ARB2A: variants seen among roughly 807,000 people sequenced by gnomAD.
The protein encoded by ARB2A is cotranscriptional regulator ARB2A.
the ARB2A span, among the ~76,000 whole-genome samples, chr5:93,974,392 G>A: frequency 2.6e-5 from 4 of 152,010 alleles, no homozygotes; most frequent in Admixed American, 6.6e-5. Context: ...TAATGATAAA[G>A]GGTTTTATTC....
At chr5:93,824,135 A>G in the ARB2A span, 17 of 1,561,652 alleles carry the variant, frequency 1.1e-5, no homozygotes, top group Non-Finnish European at 1.5e-5. Context: ...CAGAGAGTAA[A>G]ATAAGCACTT....
chr5:93,751,528 A>G, the ARB2A span, among the ~76,000 whole-genome samples: 8 of 152,216 alleles, frequency 5.3e-5, no homozygotes, highest in South Asian at 2.1e-4. Context: ...GAAAAAGACT[A>G]TATTTTAAGA....
At chr5:94,078,106 A>C in the ARB2A span, among the ~76,000 whole-genome samples, 4 of 152,178 alleles carry the variant, frequency 2.6e-5, no homozygotes, top group Non-Finnish European at 5.9e-5. Flanking sequence ...TTTTTTCTAC[A>C]TTTGTTTGTT....
the ARB2A span, among the ~76,000 whole-genome samples, chr5:93,999,170 T>C: frequency 2.0e-5 from 3 of 151,944 alleles, no homozygotes; most frequent in Non-Finnish European, 2.9e-5. Context: ...TTTTTTTTTT[T>C]CTAAAATAAC....
At chr5:93,699,497 C>A in the ARB2A span, among the ~76,000 whole-genome samples, 2 of 152,102 alleles carry the variant, frequency 1.3e-5, no homozygotes, top group Non-Finnish European at 2.9e-5. Flanking sequence ...GCACTAGGAG[C>A]AGCTCTTTGG....
chr5:93,787,673 C>T, the ARB2A span, among the ~76,000 whole-genome samples: 2 of 152,106 alleles, frequency 1.3e-5, no homozygotes, highest in African/African-American at 2.4e-5. Context: ...ACGAGGTCTA[C>T]TTCTCAGTAA....
chr5:93,931,796 T>C, the ARB2A span, among the ~76,000 whole-genome samples: 635 of 152,262 alleles, frequency 4.2e-3, 2 homozygotes, highest in Middle Eastern at 0.014. Context: ...CACCCACTCC[T>C]TTAAGTATAA....
At chr5:93,784,001 A>G in the ARB2A span, among the ~76,000 whole-genome samples, 1 of 152,152 alleles carries the variant, frequency 6.6e-6, no homozygotes, top group Non-Finnish European at 1.5e-5. Flanking sequence ...GAAGAAAAGG[A>G]GACTAAGTGT....
chr5:93,701,109 T>C, the ARB2A span, among the ~76,000 whole-genome samples: 1 of 152,190 alleles, frequency 6.6e-6, no homozygotes, highest in African/African-American at 2.4e-5. Context: ...AGAATAACAA[T>C]TGTAATTTTG....
chr5:93,713,952 A>G, the ARB2A span, among the ~76,000 whole-genome samples: 1 of 152,174 alleles, frequency 6.6e-6, no homozygotes, highest in African/African-American at 2.4e-5. Flanking sequence ...GGAGATAGTG[A>G]TCCTCAGCCC....
chr5:93,751,259 T>G, the ARB2A span, among the ~76,000 whole-genome samples: 1 of 152,192 alleles, frequency 6.6e-6, no homozygotes, highest in Non-Finnish European at 1.5e-5. Context: ...TGGCAGGCAG[T>G]TATGCAAAAC....
the ARB2A span, among the ~76,000 whole-genome samples, chr5:93,913,201 G>A: frequency 6.6e-6 from 1 of 151,900 alleles, no homozygotes; most frequent in Non-Finnish European, 1.5e-5. Flanking sequence ...CATATGTAGA[G>A]TTTCTATAGT....
the ARB2A span, among the ~76,000 whole-genome samples, chr5:93,781,042 G>T: frequency 6.6e-6 from 1 of 151,978 alleles, no homozygotes; most frequent in Admixed American, 6.6e-5. Context: ...TAGATTTAGG[G>T]GTTTCAAGTG....
At chr5:93,620,914 C>G in the ARB2A span, 3 of 1,463,412 alleles carry the variant, frequency 2.0e-6, no homozygotes, top group Non-Finnish European at 9.3e-7. Flanking sequence ...GCTGGGAGTC[C>G]GCTCGACACA....
the ARB2A span, chr5:93,737,854 C>T: frequency 2.5e-3 from 1,057 of 424,480 alleles, 26 homozygotes; most frequent in East Asian, 0.052. Flanking sequence ...GATCAAAGTC[C>T]TAAATTTAAT....
chr5:93,619,677 T>C, the ARB2A span: 2 of 152,228 alleles, frequency 1.3e-5, no homozygotes, highest in Non-Finnish European at 2.9e-5. Context: ...GTAATTAAAA[T>C]ATAATGTGAA....
At chr5:93,664,580 G>A in the ARB2A span, among the ~76,000 whole-genome samples, 2 of 150,624 alleles carry the variant, frequency 1.3e-5, no homozygotes, top group South Asian at 4.2e-4. Context: ...GCAGTGAGCC[G>A]AGATAGCGCC....
the ARB2A span, among the ~76,000 whole-genome samples, chr5:94,013,032 G>C: frequency 6.6e-6 from 1 of 152,200 alleles, no homozygotes; most frequent in Non-Finnish European, 1.5e-5. Context: ...AATTCTGGGA[G>C]AGTTAGTATG....
At chr5:93,824,257 G>A in the ARB2A span, 8 of 1,579,880 alleles carry the variant, frequency 5.1e-6, no homozygotes, top group Non-Finnish European at 6.9e-6. Flanking sequence ...TTCTTCAGGA[G>A]AACCATTTTC....
Sources: allele counts gnomAD v4.1 joint callset (sites outside exome capture counted in the v4.1 genomes callset), GRCh38; gene constraint gnomAD v4.1.1; transcripts MANE v1.5; gene names NCBI Gene and HGNC (gene_info 2026-07-23, HGNC 2026-07-21).